GATA6: variants seen among roughly 807,000 people sequenced by gnomAD.
GATA6 encodes the protein transcription factor GATA-6.
GATA6 carries 11 observed loss-of-function variants against 48.1 expected under a neutral mutation model. That is an observed-to-expected ratio of 0.23 (90% CI 0.14 to 0.38). The LOEUF (loss-of-function observed/expected upper bound fraction) is 0.38, where lower values mean the gene tolerates loss of function less well. Among genes scored for constraint, GATA6 ranks in the 10% least tolerant of loss-of-function variants. GATA6 has a pLI of 1.00. For synonymous variants in GATA6, 419 were observed against 396.1 expected (o/e 1.06, Z -0.69); for missense variants, 795 against 850.3 (o/e 0.93, Z 0.81).
At chr18:22,179,002 G>A (rs187106245) in intron 3 of GATA6, among the ~76,000 whole-genome samples, 33 of 152,234 alleles carry the variant, frequency 2.2e-4, no homozygotes, top group Admixed American at 2.2e-3. Flanking sequence ...TTATAAATTT[G>A]ATCTAGTAAC....
At chr18:22,182,636 G>T in intron 4 of GATA6, 121 bp from the exon 5 acceptor site, 1 of 718,904 alleles carries the variant, frequency 1.4e-6, no homozygotes, top group Non-Finnish European at 2.4e-6. Context: ...GGGATTAGAG[G>T]CGTGAGCCAC....
rs546073071 is a variant in GATA6 at position 22,171,552 on chromosome 18, G to T, written c.408G>T (p.Leu136=). 1.1e-4 allele frequency: 178 copies of T among 1,602,398 alleles called. No individual in the cohort carries two copies. The highest frequency in any genetic ancestry group is 1.5e-4 in the Non-Finnish European group (174 of 1,179,150). Residue 136 remains leucine (L), a synonymous_variant, in exon 2 of 7, where the codon CTG becomes CTT. Transcript: ENST00000269216. The surrounding 1 kb of genome is among the most constrained non-coding windows in gnomAD (Gnocchi z 7.1). ...KLLWSSRGAK[L]SPFAPEQPEE... The stretch of plus-strand genomic sequence containing the variant: ...TGTGGTCCAGCCGCGGCGCCAAGCT[G>T]AGCCCCTTCGCACCCGAGCAGCCGG...
intron 6 of GATA6, among the ~76,000 whole-genome samples, chr18:22,195,769 A>G (rs1463627114): frequency 1.3e-5 from 2 of 152,112 alleles, no homozygotes; most frequent in Non-Finnish European, 2.9e-5. Flanking sequence ...ATTTTGCTCC[A>G]TGATCTTATT....
At chr18:22,200,608 C>A (rs1298666302) in intron 6 of GATA6, 48 bp from the exon 7 acceptor site, 1 of 1,611,918 alleles carries the variant, frequency 6.2e-7, no homozygotes, top group South Asian at 1.1e-5. Flanking sequence ...AGGATTGTAA[C>A]CGCTTCTCAC....
chr18:22,171,996 G>T lies in GATA6; in HGVS notation c.852G>T (p.Ala284=), dbSNP rs1432382315. ...CGCGGGAGCCGGGAGGCTACGCGGC[G>T]GCGGGCAGTGGGGGCGCGGGAGGCG... ...GAAREPGGYA[A]AGSGGAGGVS... Residue 284 remains alanine, a synonymous_variant, in exon 2 of 7, where the codon GCG becomes GCT. Transcript: ENST00000269216. This position sits in a 1 kb window ranked among gnomAD's most constrained non-coding sequence, Gnocchi z 7.1. 2 of 1,229,022 alleles carry T rather than the reference G, an allele frequency of 1.6e-6. No individual in the cohort carries two copies. The highest frequency in any genetic ancestry group is 1.6e-5 in the African/African-American group (1 of 63,912). The allele number at this position is 1,229,022 out of a possible 1,614,324, so 76.1% of individuals were successfully genotyped here. A position where few individuals can be genotyped will look rare whatever the true frequency, so the allele number is the denominator to read the frequency against.
chr18:22,196,577 C>T (rs1005626791), intron 6 of GATA6, among the ~76,000 whole-genome samples: 7 of 151,950 alleles, frequency 4.6e-5, no homozygotes, highest in African/African-American at 1.7e-4. Flanking sequence ...CCCATCTTTA[C>T]AAAAAATACA....
Position 22,171,675 on chromosome 18 carries a change from AGCAGCCGCGGCGGCG to A in GATA6, c.534_548del (p.Ala179_Ala183del). Reference sequence around the variant, plus strand: ...TCGTGCACTCTGCGGCCGCGGCGGCAGCAGCCGCGGCGGCGGCCAGCTCCCCGGTCTACGTGCCCA... The same window carrying A: ...TCGTGCACTCTGCGGCCGCGGCGGCAGCCAGCTCCCCGGTCTACGTGCCCA... On this transcript the variant is annotated inframe_deletion, in exon 2 of 7. Coordinates refer to ENST00000269216, the MANE Select transcript of GATA6 (RefSeq NM_005257.6). The surrounding 1 kb of genome is among the most constrained non-coding windows in gnomAD (Gnocchi z 7.1). 2 of 1,501,886 alleles carry A rather than the reference AGCAGCCGCGGCGGCG, an allele frequency of 1.3e-6. No individual in the cohort carries two copies. Among genetic ancestry groups the A allele is most frequent in the Non-Finnish European group, 1.8e-6 (2 of 1,134,802 alleles). The allele number at this position is 1,501,886 out of a possible 1,614,324, so 93.0% of individuals were successfully genotyped here.
intron 2 of GATA6, 27 bp from the exon 3 acceptor site, chr18:22,176,928 C>T: frequency 6.5e-7 from 1 of 1,531,822 alleles, no homozygotes. Flanking sequence ...CGCCCACTCC[C>T]GCCCTCACGC....
At chr18:22,181,361 T>C (rs2033192976) in intron 3 of GATA6, 92 bp from the exon 4 acceptor site, 3 of 1,404,482 alleles carry the variant, frequency 2.1e-6, no homozygotes, top group Admixed American at 3.5e-5. Context: ...TACATACTTG[T>C]TGATGACAGG....
chr18:22,184,888 C>T (rs1466734815), intron 6 of GATA6, among the ~76,000 whole-genome samples: 9 of 152,092 alleles, frequency 5.9e-5, no homozygotes, highest in Admixed American at 2.0e-4. Flanking sequence ...GGGAGGGAGC[C>T]GCCTCTCTCC....
Position 22,172,030 on chromosome 18 carries a change from G to T in GATA6, c.886G>T (p.Gly296Cys), listed in dbSNP as rs1214780008. ...GSGGAGGVSG[G>C]GSSLAAMGGR... is the part of the protein sequence containing the mutation. ...TGGGGGCGCGGGAGGCGTGAGCGGC[G>T]GCGGCAGTAGCCTGGCGGCCATGGG... The change falls in exon 2 of 7, where the codon GGC becomes TGC. Residue 296 changes from glycine to cysteine, a missense_variant. This residue lies in a region of GATA6 where 591 missense variants were observed against 570.0 expected (regional missense o/e 1.04). Coordinates refer to ENST00000269216, the MANE Select transcript of GATA6 (RefSeq NM_005257.6). The surrounding 1 kb of genome is among the most constrained non-coding windows in gnomAD (Gnocchi z 5.2). The T allele has an allele frequency of 1.3e-5, 16 of 1,249,500 alleles. No individual in the cohort carries two copies. Among genetic ancestry groups the T allele is most frequent in the African/African-American group, 1.6e-5 (1 of 64,346 alleles). 77.4% of individuals were successfully genotyped at this position (1,249,500 alleles called of 1,614,324 possible).
chr18:22,196,923 A>G (rs2033397453), intron 6 of GATA6, among the ~76,000 whole-genome samples: 1 of 152,090 alleles, frequency 6.6e-6, no homozygotes, highest in Non-Finnish European at 1.5e-5. Context: ...GTGATGGGGT[A>G]ACTTGCTTGG....
chr18:22,177,384 G>C (rs2033136634), intron 3 of GATA6, among the ~76,000 whole-genome samples: 1 of 152,160 alleles, frequency 6.6e-6, no homozygotes, highest in African/African-American at 2.4e-5. Flanking sequence ...TACGCGCAGG[G>C]GATGACGTCC....
chr18:22,171,821 C>T lies in GATA6; in HGVS notation c.677C>T (p.Pro226Leu). Residue 226 changes from proline (P) to leucine (L), a missense_variant, in exon 2 of 7, where the codon CCT (proline) becomes CTT (leucine). Coordinates refer to ENST00000269216, the MANE Select transcript of GATA6 (RefSeq NM_005257.6). This position sits in a 1 kb window ranked among gnomAD's most constrained non-coding sequence, Gnocchi z 7.1. ...AGGAGAHPGWPQASADSPPYG... is the reference protein window; with the variant it reads ...AGGAGAHPGWLQASADSPPYG... ...GGCGCGGGCGCGCACCCCGGCTGGC[C>T]TCAGGCCTCGGCCGACAGCCCTCCA... 3.1e-6 allele frequency: 4 copies of T among 1,272,506 alleles called. No homozygotes were observed. The highest frequency in any genetic ancestry group is 3.9e-6 in the Non-Finnish European group (4 of 1,015,792). The allele number at this position is 1,272,506 out of a possible 1,614,324, so 78.8% of individuals were successfully genotyped here. A position where few individuals can be genotyped will look rare whatever the true frequency, so the allele number is the denominator to read the frequency against.
chr18:22,171,508 G>T lies in GATA6; in HGVS notation c.364G>T (p.Ala122Ser), dbSNP rs1245960637. 7 of 1,602,796 alleles carry T rather than the reference G, an allele frequency of 4.4e-6. No homozygotes were observed. Among genetic ancestry groups the T allele is most frequent in the Non-Finnish European group, 5.9e-6 (7 of 1,179,616 alleles). Reference protein sequence around the residue: ...LLLFTDLDQAATASKLLWSSR... With the variant: ...LLLFTDLDQASTASKLLWSSR... ...GCTGTTCACTGACCTCGACCAAGCC[G>T]CGACCGCCAGCAAGCTGCTGTGGTC... Residue 122 changes from alanine (A) to serine (S), a missense_variant, in exon 2 of 7, where the codon GCG (alanine) becomes TCG (serine). Ala to Ser is a moderately conservative substitution (Grantham distance 99). Around this residue, in one of 5 missense-constraint regions of GATA6, gnomAD observed 591 missense variants for 570.0 expected, o/e 1.04. Coordinates refer to ENST00000269216, the MANE Select transcript of GATA6 (RefSeq NM_005257.6). This position sits in a 1 kb window ranked among gnomAD's most constrained non-coding sequence, Gnocchi z 7.1.
rs1216099949 is a variant in GATA6, at chr18:22,202,388, C to T, written c.*1565C>T. 2.0e-5 allele frequency: 3 copies of T among 152,138 alleles called. No individual in the cohort carries two copies. The highest frequency in any genetic ancestry group is 4.4e-5 in the Non-Finnish European group (3 of 68,022). The allele number at this position is 152,138 out of a possible 1,614,324, so 9.4% of individuals were successfully genotyped here. ...CAACGTGCCTTGAAGTCTCAAAGCT[C>T]ACCTGAGGTTGCAGACGTTACCCCC... On this transcript the variant is annotated 3_prime_UTR_variant, in exon 7 of 7. Coordinates refer to ENST00000269216, the MANE Select transcript of GATA6 (RefSeq NM_005257.6).
chr18:22,196,949 G>T (rs994015751), intron 6 of GATA6, among the ~76,000 whole-genome samples: 2 of 152,050 alleles, frequency 1.3e-5, no homozygotes, highest in Non-Finnish European at 2.9e-5. Context: ...AGGATAGAAT[G>T]AGGAGAATAA....
chr18:22,172,339 G>C lies in GATA6; in HGVS notation c.1135+60G>C. On this transcript the variant is annotated intron_variant, in intron 2 of 6. Transcript: ENST00000269216. This position sits in a 1 kb window ranked among gnomAD's most constrained non-coding sequence, Gnocchi z 5.2. The stretch of plus-strand genomic sequence containing the variant: ...CAAAGCGCTGGGGCGCACGGGGGAC[G>C]TGGAGCAGCTGCTCCACTCGGGCCC... The C allele has an allele frequency of 3.3e-6, 5 of 1,508,772 alleles. No individual in the cohort carries two copies. The highest frequency in any genetic ancestry group is 4.4e-6 in the Non-Finnish European group (5 of 1,129,416). 93.5% of individuals were successfully genotyped at this position (1,508,772 alleles called of 1,614,324 possible).
rs2033067216 is a variant in GATA6, at chr18:22,172,339, GT to G, written c.1135+61del. The G allele has an allele frequency of 6.6e-7, 1 of 1,508,654 alleles. No individual in the cohort carries two copies. Among genetic ancestry groups the G allele is most frequent in the Non-Finnish European group, 8.9e-7 (1 of 1,129,424 alleles). The allele number at this position is 1,508,654 out of a possible 1,614,324, so 93.5% of individuals were successfully genotyped here. ...CAAAGCGCTGGGGCGCACGGGGGACGTGGAGCAGCTGCTCCACTCGGGCCCT... is the reference window on the plus strand; with the variant it reads ...CAAAGCGCTGGGGCGCACGGGGGACGGGAGCAGCTGCTCCACTCGGGCCCT... On this transcript the variant is annotated intron_variant, in intron 2 of 6. Transcript: ENST00000269216. The surrounding 1 kb of genome is among the most constrained non-coding windows in gnomAD (Gnocchi z 5.2).
Sources: allele counts gnomAD v4.1 joint callset (sites outside exome capture counted in the v4.1 genomes callset), GRCh38; gene constraint gnomAD v4.1.1; regional missense constraint gnomAD v4.1.1; non-coding constraint Gnocchi (gnomAD v3.1); transcripts MANE v1.5; gene names NCBI Gene and HGNC (gene_info 2026-07-23, HGNC 2026-07-21).